The following FKBP15 variants were observed in gnomAD, a reference collection of about 807,000 sequenced individuals.
FKBP15 encodes FK506-binding protein 15.
Under a neutral mutation model 158.1 loss-of-function variants are expected in FKBP15, and 106 were observed. The observed-to-expected ratio is 0.67, with a 90% CI of 0.57 to 0.79. The LOEUF is 0.79. Ranked by LOEUF, FKBP15 falls within the 30% of genes least tolerant of loss-of-function variation. FKBP15 has a pLI of 0.00. For synonymous variants in FKBP15, 547 were observed against 548.6 expected (o/e 1.00, Z 0.04); for missense variants, 1,287 against 1,479.1 (o/e 0.87, Z 2.13).
chr9:113,195,538 G>C (rs1290699311), intron 9 of FKBP15, among the ~76,000 whole-genome samples: 1 of 152,172 alleles, frequency 6.6e-6, no homozygotes, highest in Non-Finnish European at 1.5e-5. Context: ...AGGCTAGAGT[G>C]GCCCAGCAGG....
chr9:113,168,281 C>T (rs1234837694), intron 27 of FKBP15, among the ~76,000 whole-genome samples, 179 bp downstream of exon 27: 1 of 152,160 alleles, frequency 6.6e-6, no homozygotes, highest in Non-Finnish European at 1.5e-5. Context: ...GTGACCGTCC[C>T]CTACTCTGCT....
chr9:113,203,273 G>C (rs956849931), intron 4 of FKBP15, among the ~76,000 whole-genome samples: 2 of 152,068 alleles, frequency 1.3e-5, no homozygotes, highest in East Asian at 3.9e-4. Flanking sequence ...TCTTCATTTT[G>C]TTGGTGTTTT....
intron 26 of FKBP15, 102 bp downstream of exon 26, chr9:113,169,122 G>A (rs1830155133): frequency 1.4e-6 from 2 of 1,414,554 alleles, no homozygotes; most frequent in Non-Finnish European, 9.4e-7. Flanking sequence ...GAAGACATGA[G>A]TAAATTAGTC....
chr9:113,167,135 T>C (rs1382380301), intron 27 of FKBP15, among the ~76,000 whole-genome samples: 1 of 152,226 alleles, frequency 6.6e-6, no homozygotes, highest in Non-Finnish European at 1.5e-5. Flanking sequence ...ACAGCTTCTG[T>C]TTTGTCCTGA....
chr9:113,166,206 G>T, intron 27 of FKBP15, 51 bp from the exon 28 acceptor site: 1 of 1,514,332 alleles, frequency 6.6e-7, no homozygotes, highest in Admixed American at 1.8e-5. Flanking sequence ...TGCACCACTG[G>T]ACTTTCCACC....
chr9:113,216,589 A>C (rs1410165586), intron 1 of FKBP15, among the ~76,000 whole-genome samples: 1 of 152,216 alleles, frequency 6.6e-6, no homozygotes, highest in Non-Finnish European at 1.5e-5. Context: ...TTGCCTAAAG[A>C]ATAAGATTCT....
At chr9:113,179,268 T>C (rs1280845692) in intron 19 of FKBP15, among the ~76,000 whole-genome samples, 5 of 152,208 alleles carry the variant, frequency 3.3e-5, no homozygotes, top group Non-Finnish European at 5.9e-5. Flanking sequence ...CTGTGTTCAC[T>C]GTACCCACTT....
At chr9:113,214,730 A>G (rs1340199470) in intron 1 of FKBP15, among the ~76,000 whole-genome samples, 1 of 152,278 alleles carries the variant, frequency 6.6e-6, no homozygotes, top group Non-Finnish European at 1.5e-5. Context: ...TGAAAGTCCT[A>G]GATCTTCTTC....
In FKBP15 at chr9:113,176,412, T is replaced by A. The variant is rs1042505880; in HGVS notation, c.2223+125A>T. On this transcript the variant is annotated intron_variant, in intron 21 of 27. Transcript: ENST00000238256. ...GATTAGAGCGGGGAAAATTTTTTTTTAATTTTACACTTTTCTATATTATTT... is the reference window on the plus strand; with the variant it reads ...GATTAGAGCGGGGAAAATTTTTTTTAAATTTTACACTTTTCTATATTATTT... 17 of 1,194,950 alleles carry A rather than the reference T, an allele frequency of 1.4e-5. 2 individuals carry two copies. The South Asian group carries it at 2.2e-4, about 16-fold the overall frequency. 74.0% of individuals were successfully genotyped at this position (1,194,950 alleles called of 1,614,324 possible).
chr9:113,180,186 G>C (rs1265955947), intron 19 of FKBP15, among the ~76,000 whole-genome samples: 1 of 152,122 alleles, frequency 6.6e-6, no homozygotes, highest in East Asian at 1.9e-4. Flanking sequence ...TCACCCAAAA[G>C]CTCTTTTTAT....
intron 1 of FKBP15, among the ~76,000 whole-genome samples, chr9:113,215,974 G>A (rs982074287): frequency 1.3e-5 from 2 of 150,034 alleles, no homozygotes; most frequent in Non-Finnish European, 2.9e-5. Flanking sequence ...TGAATATTAA[G>A]AGAATTACCA....
At chr9:113,171,091 A>G (rs915167689) in intron 24 of FKBP15, among the ~76,000 whole-genome samples, 4 of 152,210 alleles carry the variant, frequency 2.6e-5, no homozygotes, top group Non-Finnish European at 4.4e-5. Flanking sequence ...GTAAGTATGT[A>G]TTTGTTTGTT....
At chr9:113,193,970 C>T in intron 10 of FKBP15, 57 bp downstream of exon 10, 2 of 1,520,738 alleles carry the variant, frequency 1.3e-6, no homozygotes, top group Non-Finnish European at 1.8e-6. Context: ...TTCTGAACCC[C>T]TCTAAGAATC....
At chr9:113,218,260 T>A (rs543767990) in intron 1 of FKBP15, among the ~76,000 whole-genome samples, 51 of 151,980 alleles carry the variant, frequency 3.4e-4, no homozygotes, top group Middle Eastern at 3.4e-3. Flanking sequence ...TGATTTCAGA[T>A]CCAGGCTCTA....
intron 2 of FKBP15, among the ~76,000 whole-genome samples, chr9:113,207,816 T>G (rs1389579050): frequency 6.6e-6 from 1 of 152,178 alleles, no homozygotes; most frequent in African/African-American, 2.4e-5. Flanking sequence ...TATACCATGA[T>G]AGTGCCTAGG....
At chr9:113,171,502 A>G (rs929345057) in intron 24 of FKBP15, 79 bp downstream of exon 24, 49 of 1,496,534 alleles carry the variant, frequency 3.3e-5, no homozygotes, top group Non-Finnish European at 4.3e-5. Flanking sequence ...AAAAAGAGCT[A>G]TTAACACAAC....
intron 4 of FKBP15, among the ~76,000 whole-genome samples, chr9:113,205,248 A>C (rs2118935208): frequency 6.6e-6 from 1 of 152,346 alleles, no homozygotes; most frequent in East Asian, 1.9e-4. Flanking sequence ...GTGAAAAGAT[A>C]ATCTATAAAA....
intron 1 of FKBP15, among the ~76,000 whole-genome samples, chr9:113,214,657 A>G (rs889440779): frequency 6.6e-6 from 1 of 152,190 alleles, no homozygotes; most frequent in African/African-American, 2.4e-5. Context: ...ATTATCCCCT[A>G]ATAAGAGTTA....
At chr9:113,207,163 G>GCA in intron 3 of FKBP15, 49 bp downstream of exon 3, 1 of 1,457,474 alleles carries the variant, frequency 6.9e-7, no homozygotes, top group Non-Finnish European at 9.6e-7. Context: ...TAGCTTAACT[G>GCA]CACGCCCTTC....
Sources: gnomAD v4.1 joint callset for allele counts (sites outside exome capture counted in the v4.1 genomes callset) on GRCh38, gnomAD v4.1.1 for gene constraint, MANE v1.5 for transcripts, NCBI Gene and HGNC (gene_info 2026-07-23, HGNC 2026-07-21) for gene names.